Variants in CD5 observed in about 807,000 individuals in gnomAD.
CD5 encodes the protein CD5 molecule, also known as T-cell surface glycoprotein CD5.
A neutral mutation model predicts 60.3 loss-of-function variants in CD5; 36 were observed. That is an observed-to-expected ratio of 0.60 (90% CI 0.46 to 0.79). CD5 has a LOEUF of 0.79. CD5 is among the 30% of genes least tolerant of loss of function. The pLI is 0.00. For synonymous variants in CD5, 230 were observed against 257.6 expected (o/e 0.89, Z 1.03); for missense variants, 540 against 630.6 (o/e 0.86, Z 1.54).
chr11:61,104,285 G>A (rs1333553825), intron 1 of CD5, among the ~76,000 whole-genome samples: 1 of 152,158 alleles, frequency 6.6e-6, no homozygotes, highest in African/African-American at 2.4e-5. Flanking sequence ...ATGTTCACAT[G>A]GTTCTTCTCA....
At chr11:61,122,855 A>G (rs575783885) in intron 6 of CD5, 52 bp from the exon 7 acceptor site, 12 of 1,540,740 alleles carry the variant, frequency 7.8e-6, no homozygotes, top group African/African-American at 1.4e-5. Context: ...TCCCTCCCAC[A>G]GTTTTTCTCC....
chr11:61,110,387 G>T (rs988814577), intron 1 of CD5, among the ~76,000 whole-genome samples: 2 of 152,206 alleles, frequency 1.3e-5, no homozygotes. Flanking sequence ...CAGGGGGAAG[G>T]TGAGGGACTG....
chr11:61,099,148 C>A (rs1210346733), upstream of CD5, among the ~76,000 whole-genome samples: 2 of 152,226 alleles, frequency 1.3e-5, no homozygotes, highest in African/African-American at 4.8e-5. Flanking sequence ...TGATTCCAGA[C>A]CCTCTAAGAG....
intron 9 of CD5, 130 bp downstream of exon 9, chr11:61,125,281 T>C: frequency 2.0e-6 from 2 of 998,824 alleles, no homozygotes; most frequent in South Asian, 3.1e-5. Context: ...TGCAAGGGGA[T>C]CAAACATCGC....
the CD5 span, among the ~76,000 whole-genome samples, chr11:61,094,220 C>G: frequency 6.6e-6 from 1 of 151,864 alleles, no homozygotes; most frequent in African/African-American, 2.4e-5. Flanking sequence ...TGGAATGCCT[C>G]GTCAGAGCAG....
upstream of CD5, among the ~76,000 whole-genome samples, chr11:61,100,603 C>T (rs1219958461): frequency 1.6e-4 from 5 of 31,876 alleles, no homozygotes; most frequent in African/African-American, 3.4e-4. Flanking sequence ...ACATGGAGAT[C>T]ACACACACAA....
rs550112612 is a variant in CD5 at position 61,119,313 on chromosome 11, G to A, written c.543G>A (p.Leu181=). ...AGVVEFYSGS[L]GGTISYEAQD... is the part of the protein sequence containing the mutation. ...TGGTGGAGTTCTACAGCGGCAGCCTGGGGGGTACCATCAGCTATGAGGCCC... is the reference window on the plus strand; with the variant it reads ...TGGTGGAGTTCTACAGCGGCAGCCTAGGGGGTACCATCAGCTATGAGGCCC... The change falls in exon 5 of 11, where the codon CTG becomes CTA. Residue 181 remains leucine (L), a synonymous_variant. Coordinates refer to ENST00000347785, the MANE Select transcript of CD5 (RefSeq NM_014207.4). 1.2e-6 allele frequency: 2 copies of A among 1,613,810 alleles called. No homozygotes were observed. Among genetic ancestry groups the A allele is most frequent in the Non-Finnish European group, 1.7e-6 (2 of 1,179,940 alleles).
the CD5 span, among the ~76,000 whole-genome samples, chr11:61,094,317 G>A: frequency 1.3e-5 from 2 of 152,102 alleles, no homozygotes; most frequent in Non-Finnish European, 2.9e-5. Flanking sequence ...CTGAAACTTG[G>A]TAAGACTAGT....
At chr11:61,108,252 C>T (rs963468270) in intron 1 of CD5, among the ~76,000 whole-genome samples, 3 of 152,176 alleles carry the variant, frequency 2.0e-5, no homozygotes, top group Non-Finnish European at 4.4e-5. Flanking sequence ...ACTCATGCAA[C>T]AGCAGACTAC....
chr11:61,102,300 C>T, upstream of CD5: 1 of 545,144 alleles, frequency 1.8e-6, no homozygotes, highest in Non-Finnish European at 3.3e-6. Flanking sequence ...AGAGCACTGC[C>T]CCAGCCCTGG....
rs368252179 is a variant in CD5 at position 61,112,542 on chromosome 11, G to A, written c.56-2514G>A. 1.1e-4 allele frequency among the ~76,000 whole-genome samples: 16 copies of A among 152,248 alleles called. No individual in the cohort carries two copies. In the East Asian group the frequency reaches 3.1e-3, roughly 29 times the overall value. ...GTCTGTAGTCCCAGCTACTCGGGAG[G>A]TTGAGGCAGGAGAATTGCTTGAACC... is the stretch of plus-strand genomic sequence containing the variant. On this transcript the variant is annotated intron_variant, in intron 1 of 10. Coordinates refer to ENST00000347785, the MANE Select transcript of CD5 (RefSeq NM_014207.4).
upstream of CD5, among the ~76,000 whole-genome samples, chr11:61,099,939 C>T (rs1244884249): frequency 6.8e-6 from 1 of 146,692 alleles, no homozygotes; most frequent in Non-Finnish European, 1.5e-5. Context: ...CACACATCAA[C>T]ATGGAGATCA....
In CD5 at chr11:61,123,953, G is replaced by A. The variant is rs1168459884; in HGVS notation, c.1279+16G>A. The stretch of plus-strand genomic sequence containing the variant: ...AACCAAAACAGTAAGTGTCCCCGGA[G>A]GCAGGAGCCTCCCTCAGGCCCTGGA... On this transcript the variant is annotated intron_variant, in intron 8 of 10. Transcript: ENST00000347785. 10 of 1,607,572 alleles carry A rather than the reference G, an allele frequency of 6.2e-6. No homozygotes were observed. The highest frequency in any genetic ancestry group is 7.7e-6 in the Non-Finnish European group (9 of 1,174,596).
the CD5 span, among the ~76,000 whole-genome samples, chr11:61,095,063 G>A: frequency 2.0e-5 from 3 of 152,092 alleles, no homozygotes; most frequent in Middle Eastern, 3.2e-3. Context: ...GATCCCACCC[G>A]CCGAGGGAAG....
chr11:61,102,498 G>A lies in CD5; in HGVS notation c.-63G>A, dbSNP rs372818139. ...CTCCCTCTCTGAGAGCGAGATACCC[G>A]GCCAGACACCCTCACCTGCGGTGCC... On this transcript the variant is annotated 5_prime_UTR_variant, in exon 1 of 11. Transcript: ENST00000347785. 157 of 928,996 alleles carry A rather than the reference G, an allele frequency of 1.7e-4. No individual in the cohort carries two copies. The highest frequency in any genetic ancestry group is 2.1e-4 in the Non-Finnish European group (141 of 674,158). 57.5% of individuals were successfully genotyped at this position (928,996 alleles called of 1,614,324 possible). A position where few individuals can be genotyped will look rare whatever the true frequency, so the allele number is the denominator to read the frequency against.
intron 1 of CD5, among the ~76,000 whole-genome samples, chr11:61,113,796 G>A (rs2134600495): frequency 1.3e-5 from 2 of 152,214 alleles, no homozygotes; most frequent in South Asian, 4.1e-4. Context: ...AGCCTCCAGA[G>A]GAGCTGGGAT....
rs1861158198 is a variant in CD5, at chr11:61,127,059, T to A, written c.*774T>A. On this transcript the variant is annotated 3_prime_UTR_variant, in exon 11 of 11. Transcript: ENST00000347785. Reference sequence around the variant, plus strand: ...CCTAGTAAACCTTAACCAACTTGGTTTTTTGCTTCACCCAGCAATTAAAAG... The same window carrying A: ...CCTAGTAAACCTTAACCAACTTGGTATTTTGCTTCACCCAGCAATTAAAAG... 6.6e-6 allele frequency: 1 copy of A among 152,262 alleles called. No homozygotes were observed. Among genetic ancestry groups the A allele is most frequent in the Non-Finnish European group, 1.5e-5 (1 of 68,068 alleles). 9.4% of individuals were successfully genotyped at this position (152,262 alleles called of 1,614,324 possible). A position where few individuals can be genotyped will look rare whatever the true frequency, so the allele number is the denominator to read the frequency against.
At chr11:61,123,837 AT>A in intron 7 of CD5, 46 bp from the exon 8 acceptor site, 1 of 454,122 alleles carries the variant, frequency 2.2e-6, no homozygotes, top group Non-Finnish European at 3.6e-6. Context: ...GCCCCCACCC[AT>A]ACCTGCCCCC....
rs923646552 is a variant in CD5, at chr11:61,115,057, C to G, written c.57C>G (p.Val19=). The stretch of plus-strand genomic sequence containing the variant: ...GACCCTCCTCTCTTCTTTCTGCAGT[C>G]GCTTCCTGCCTCGGACGGCTCAGCT... The part of the protein sequence containing the change: ...LATLYLLGML[V]ASCLGRLSWY... Residue 19 remains valine (V), a splice_region_variant and synonymous_variant, in exon 2 of 11, where the codon GTC becomes GTG. Transcript: ENST00000347785. 1 of 1,556,830 alleles carries G rather than the reference C, an allele frequency of 6.4e-7. No homozygotes were observed. The highest frequency in any genetic ancestry group is 2.4e-5 in the East Asian group (1 of 41,466).
Sources: allele counts gnomAD v4.1 joint callset (sites outside exome capture counted in the v4.1 genomes callset), GRCh38; gene constraint gnomAD v4.1.1; transcripts MANE v1.5; gene names NCBI Gene and HGNC (gene_info 2026-07-23, HGNC 2026-07-21).